Variants in ZFR observed in about 807,000 individuals in gnomAD.
ZFR encodes the protein zinc finger RNA binding protein.
A neutral mutation model predicts 130.7 loss-of-function variants in ZFR; 19 were observed. That is an observed-to-expected ratio of 0.15 (90% CI 0.10 to 0.21). The LOEUF (loss-of-function observed/expected upper bound fraction) is 0.21. Ranked by LOEUF, ZFR falls within the 10% of genes least tolerant of loss-of-function variation. The pLI is 1.00. For synonymous variants in ZFR, 466 were observed against 456.9 expected, an observed-to-expected ratio of 1.02 and a Z score of -0.25; for missense variants, 872 against 1,321.5, an observed-to-expected ratio of 0.66 and a Z score of 5.27.
chr5:32,362,471 C>T (rs190155699), intron 19 of ZFR, among the ~76,000 whole-genome samples: 3 of 152,278 alleles, frequency 2.0e-5, no homozygotes, highest in Admixed American at 2.0e-4. Flanking sequence ...CCGAAATTGA[C>T]ACTGGTACTT....
rs778615660 is a variant in ZFR, at chr5:32,422,924, C to T, written c.138-2821G>A. On this transcript the variant is annotated intron_variant, in intron 2 of 19. Transcript: ENST00000265069. ...ACGTAAGCAATTATTACAGAGTACA[C>T]ACACTCTATATTCTTACTCAAGAAA... Among the ~76,000 whole-genome samples the T allele has an allele frequency of 2.2e-4, 33 of 150,388 alleles. 1 individual carries two copies. The highest frequency in any genetic ancestry group is 7.4e-5 in the Non-Finnish European group (5 of 67,840).
At chr5:32,359,475 A>C (rs1220540954) in intron 19 of ZFR, among the ~76,000 whole-genome samples, 1 of 152,218 alleles carries the variant, frequency 6.6e-6, no homozygotes, top group East Asian at 1.9e-4. Context: ...GTTTACTTTC[A>C]GCCAGAAGAA....
At chr5:32,374,486 G>A (rs943158158) in intron 17 of ZFR, among the ~76,000 whole-genome samples, 4 of 152,040 alleles carry the variant, frequency 2.6e-5, no homozygotes, top group Non-Finnish European at 5.9e-5. Context: ...CTGGGGTACA[G>A]AGCGAGACTC....
intron 12 of ZFR, among the ~76,000 whole-genome samples, 183 bp from the exon 13 acceptor site, chr5:32,388,857 T>TATGC (rs751661355): frequency 6.6e-6 from 1 of 152,114 alleles, no homozygotes; most frequent in Non-Finnish European, 1.5e-5. Flanking sequence ...TATATGTATG[T>TATGC]ATGCATGCAT....
intron 9 of ZFR, 150 bp from the exon 10 acceptor site, chr5:32,397,488 C>A: frequency 9.9e-7 from 1 of 1,009,086 alleles, no homozygotes; most frequent in East Asian, 2.7e-5. Flanking sequence ...GAGTCTTGCT[C>A]TGTCGCCCAT....
At chr5:32,389,561 T>C (rs757061742) in intron 12 of ZFR, among the ~76,000 whole-genome samples, 3 of 152,180 alleles carry the variant, frequency 2.0e-5, no homozygotes, top group Non-Finnish European at 1.5e-5. Flanking sequence ...CTCATGCCTG[T>C]GTACCGGCTA....
chr5:32,390,243 TCACCCCTTGTATCAC>T lies in ZFR; in HGVS notation c.2142+17_2142+31del, dbSNP rs1561882128. ...TTCTAATGCTGAACCAGTCAAACTT[TCACCCCTTGTATCAC>T]CAACGTGGACACTCACTGCAGGCCC... On this transcript the variant is annotated intron_variant, in intron 12 of 19. Transcript: ENST00000265069. The T allele has an allele frequency of 6.3e-7, 1 of 1,593,320 alleles. No homozygotes were observed. The highest frequency in any genetic ancestry group is 1.7e-5 in the Admixed American group (1 of 57,916).
At position 32,403,748 on chromosome 5, in the gene ZFR, T is replaced by C. The variant is rs115436686; in HGVS notation, c.1224+158A>G. Among the ~76,000 whole-genome samples the C allele has an allele frequency of 5.5e-3, 843 of 152,306 alleles. 5 individuals are homozygous for C. The highest frequency in any genetic ancestry group is 0.02 in the African/African-American group (814 of 41,558). ...CAGTCTTTCCCTCTTTTAGCAATGA[T>C]TATTTGATGTCACCTTTATGTATTA... On this transcript the variant is annotated intron_variant, in intron 7 of 19. Transcript: ENST00000265069.
chr5:32,410,213 T>C lies in ZFR; in HGVS notation c.785-3192A>G, dbSNP rs150141047. ...GGATGGATCATTTGAGCGCAGAAGGTGGAGGTTGCAGTGAGCTGGGATTGT... is the reference window on the plus strand; with the variant it reads ...GGATGGATCATTTGAGCGCAGAAGGCGGAGGTTGCAGTGAGCTGGGATTGT... On this transcript the variant is annotated intron_variant, in intron 5 of 19. Transcript: ENST00000265069. Among the ~76,000 whole-genome samples the C allele has an allele frequency of 1.4e-3, 192 of 135,520 alleles. 2 individuals carry two copies. Among genetic ancestry groups the C allele is most frequent in the African/African-American group, 5.1e-3 (181 of 35,576 alleles). The allele number at this position is 135,520 out of a possible 152,430, so 88.9% of individuals were successfully genotyped here.
rs767916628 is a variant in ZFR, at chr5:32,395,361, T to C, written c.1834-57A>G. On this transcript the variant is annotated intron_variant, in intron 10 of 19. Coordinates refer to ENST00000265069, the MANE Select transcript of ZFR (RefSeq NM_016107.5). The stretch of plus-strand genomic sequence containing the variant: ...GCAGCCCCAAAACAATCTACATGTA[T>C]TTTTAATCATACAATTACACTTATT... 11 of 1,307,578 alleles carry C rather than the reference T, an allele frequency of 8.4e-6. No homozygotes were observed. In the Middle Eastern group the frequency reaches 6.4e-4, roughly 76 times the overall value. 81.0% of individuals were successfully genotyped at this position (1,307,578 alleles called of 1,614,324 possible). A position where few individuals can be genotyped will look rare whatever the true frequency, so the allele number is the denominator to read the frequency against.
chr5:32,403,958 C>T lies in ZFR; in HGVS notation c.1172G>A (p.Cys391Tyr). The T allele has an allele frequency of 6.2e-7, 1 of 1,613,474 alleles. No homozygotes were observed. The highest frequency in any genetic ancestry group is 8.5e-7 in the Non-Finnish European group (1 of 1,179,782). ...GGCAGCATACGCATCTGCTCCTGTA[C>T]AAGACACATCGCAGAGCTCACAACG... ...QLRCELCDVS[C>Y]TGADAYAAHI... Residue 391 changes from cysteine (C) to tyrosine (Y), a missense_variant, in exon 7 of 20, where the codon TGT (cysteine) becomes TAT (tyrosine). Cys to Tyr is a radical substitution (Grantham distance 194, BLOSUM62 -2). Coordinates refer to ENST00000265069, the MANE Select transcript of ZFR (RefSeq NM_016107.5).
At chr5:32,408,838 A>G (rs575860518) in intron 5 of ZFR, among the ~76,000 whole-genome samples, 25 of 152,342 alleles carry the variant, frequency 1.6e-4, no homozygotes, top group African/African-American at 4.8e-4. Flanking sequence ...CTTGTCTATT[A>G]TCACACTTTC....
At chr5:32,376,607 C>CAAAAAAAAAGA (rs1329959602) in intron 17 of ZFR, among the ~76,000 whole-genome samples, 6 of 113,174 alleles carry the variant, frequency 5.3e-5, no homozygotes, top group African/African-American at 1.7e-4. Context: ...GACTCTGTGT[C>CAAAAAAAAAGA]AAAAAAAAAG....
rs143328379 is a variant in ZFR, at chr5:32,378,849, A to C, written c.2835+266T>G. Among the ~76,000 whole-genome samples the C allele has an allele frequency of 2.6e-4, 36 of 137,820 alleles. No homozygotes were observed. In the East Asian group the frequency reaches 7.5e-3, roughly 29 times the overall value. 90.4% of individuals were successfully genotyped at this position (137,820 alleles called of 152,430 possible). A position where few individuals can be genotyped will look rare whatever the true frequency, so the allele number is the denominator to read the frequency against. On this transcript the variant is annotated intron_variant, in intron 17 of 19. Coordinates refer to ENST00000265069, the MANE Select transcript of ZFR (RefSeq NM_016107.5). Reference sequence around the variant, plus strand: ...GTATATTATATGTAAAAGCCAACTAATAAATGCTGTAATATTAAAAAAAAA... The same window carrying C: ...GTATATTATATGTAAAAGCCAACTACTAAATGCTGTAATATTAAAAAAAAA...
chr5:32,408,330 A>AC (rs1365979246), intron 5 of ZFR, among the ~76,000 whole-genome samples: 23 of 137,962 alleles, frequency 1.7e-4, no homozygotes, highest in Admixed American at 6.0e-4. Context: ...AAAAAAAAAA[A>AC]AAAAAAACTA....
chr5:32,377,682 T>G (rs1444352798), intron 17 of ZFR, among the ~76,000 whole-genome samples: 1 of 151,836 alleles, frequency 6.6e-6, no homozygotes, highest in Non-Finnish European at 1.5e-5. Context: ...TACAAAAAAT[T>G]AGATAGCATA....
intron 11 of ZFR, chr5:32,394,266 ATTAT>A (rs1447793444): frequency 1.2e-5 from 2 of 164,108 alleles, no homozygotes; most frequent in African/African-American, 2.4e-5. Context: ...ATTATTCAGT[ATTAT>A]TTAGTCATAA....
intron 15 of ZFR, among the ~76,000 whole-genome samples, chr5:32,384,695 A>G (rs1366810818): frequency 6.6e-6 from 1 of 152,218 alleles, no homozygotes; most frequent in African/African-American, 2.4e-5. Flanking sequence ...CCCATAAAAC[A>G]ACAGAACCAA....
chr5:32,390,517 CAAT>C (rs1428311425), intron 11 of ZFR, 80 bp from the exon 12 acceptor site: 7 of 1,355,950 alleles, frequency 5.2e-6, no homozygotes, highest in Non-Finnish European at 5.9e-6. Flanking sequence ...ACATAAAAAG[CAAT>C]AAAAAACCCC....
Sources: gnomAD v4.1 joint callset for allele counts (sites outside exome capture counted in the v4.1 genomes callset) on GRCh38, gnomAD v4.1.1 for gene constraint, MANE v1.5 for transcripts, NCBI Gene and HGNC (gene_info 2026-07-23, HGNC 2026-07-21) for gene names.